Variants in HPSE2 observed in about 807,000 individuals in gnomAD.
The protein encoded by HPSE2 is heparanase 2 (inactive).
A neutral mutation model predicts 60.5 loss-of-function variants in HPSE2; 38 were observed. The ratio of observed to expected loss-of-function variants is 0.63; its 90% confidence interval spans 0.48 to 0.82. The LOEUF (loss-of-function observed/expected upper bound fraction) is 0.82, where lower values mean the gene tolerates loss of function less well. Among genes scored for constraint, HPSE2 ranks in the 40% least tolerant of loss-of-function variants. The pLI is 0.00. For synonymous variants in HPSE2, 295 were observed against 293.2 expected, an observed-to-expected ratio of 1.01 and a Z score of -0.06; for missense variants, 713 against 740.4, an observed-to-expected ratio of 0.96 and a Z score of 0.43.
chr10:98,532,323 C>T (rs680488), intron 9 of HPSE2, among the ~76,000 whole-genome samples: 1 of 152,150 alleles, frequency 6.6e-6, no homozygotes, highest in Non-Finnish European at 1.5e-5. Context: ...GCACAGAAAT[C>T]TTGAAATGCC....
intron 9 of HPSE2, among the ~76,000 whole-genome samples, chr10:98,600,923 ATAT>A (rs1565003067): frequency 7.7e-5 from 3 of 39,056 alleles, no homozygotes. Context: ...ATATATATAT[ATAT>A]ATATATATAT....
intron 3 of HPSE2, among the ~76,000 whole-genome samples, chr10:99,060,956 G>T (rs1958228214): frequency 6.6e-6 from 1 of 152,054 alleles, no homozygotes; most frequent in Non-Finnish European, 1.5e-5. Flanking sequence ...AATGGCAGTT[G>T]TTGGGGGTAA....
chr10:98,585,467 T>G, intron 9 of HPSE2, among the ~76,000 whole-genome samples: 1 of 150,056 alleles, frequency 6.7e-6, no homozygotes. Context: ...GAGATGGGGT[T>G]TCACCATTTG....
At chr10:99,022,938 G>C (rs1294571780) in intron 3 of HPSE2, among the ~76,000 whole-genome samples, 1 of 152,014 alleles carries the variant, frequency 6.6e-6, no homozygotes, top group African/African-American at 2.4e-5. Context: ...CTGGCTACAA[G>C]GTAAAACACC....
At chr10:99,100,294 T>C (rs1458981438) in intron 3 of HPSE2, among the ~76,000 whole-genome samples, 1 of 152,168 alleles carries the variant, frequency 6.6e-6, no homozygotes, top group Non-Finnish European at 1.5e-5. Flanking sequence ...GAGAAGTCCT[T>C]AAATGACCTG....
chr10:99,098,751 T>C (rs531103128), intron 3 of HPSE2, among the ~76,000 whole-genome samples: 2 of 152,310 alleles, frequency 1.3e-5, no homozygotes, highest in South Asian at 2.1e-4. Context: ...ATGATAATTA[T>C]TTTATTGACA....
At chr10:98,700,601 A>T (rs1400808476) in intron 5 of HPSE2, among the ~76,000 whole-genome samples, 2 of 119,700 alleles carry the variant, frequency 1.7e-5, no homozygotes, top group Non-Finnish European at 3.7e-5. Context: ...CTTCATGTCT[A>T]AAACACCAAA....
rs374413066 is a variant in HPSE2 at position 98,764,755 on chromosome 10, G to A, written c.611-20699C>T. ...GCCTGTAATCCTGGCTCCTCTGGAG[G>A]CTGAGGCAGGAGAATCACTTGAACC... On this transcript the variant is annotated intron_variant, in intron 3 of 11. Transcript: ENST00000370552. Among the ~76,000 whole-genome samples, 32 of 152,270 alleles carry A rather than the reference G, an allele frequency of 2.1e-4. No individual in the cohort carries two copies. The East Asian group carries it at 4.3e-3, about 20-fold the overall frequency.
upstream of HPSE2, among the ~76,000 whole-genome samples, chr10:99,237,572 G>A (rs1849891401): frequency 6.6e-6 from 1 of 152,198 alleles, no homozygotes. Flanking sequence ...GACTGCATAA[G>A]ATGAGGATAT....
chr10:99,146,505 A>G (rs1189853460), intron 2 of HPSE2, among the ~76,000 whole-genome samples: 1 of 152,232 alleles, frequency 6.6e-6, no homozygotes, highest in Non-Finnish European at 1.5e-5. Flanking sequence ...CCTATTCTCT[A>G]TGTCTAAAAT....
In HPSE2 at chr10:99,103,056, C is replaced by T. The variant is rs1844078264; in HGVS notation, c.610+41182G>A. ...GAATGGGCAAAAACTGGAAGCATTC[C>T]CTTTGAAAACCGGCATAAGACAGGG... On this transcript the variant is annotated intron_variant, in intron 3 of 11. Coordinates refer to ENST00000370552, the MANE Select transcript of HPSE2 (RefSeq NM_021828.5). Among the ~76,000 whole-genome samples the T allele has an allele frequency of 3.9e-5, 6 of 152,230 alleles. No homozygotes were observed. The South Asian group carries it at 1.2e-3, about 32-fold the overall frequency.
intron 2 of HPSE2, among the ~76,000 whole-genome samples, chr10:99,230,020 G>T (rs1849593933): frequency 6.6e-6 from 1 of 152,186 alleles, no homozygotes; most frequent in Non-Finnish European, 1.5e-5. Context: ...GAGCTTCAAA[G>T]GGCAGAAATA....
At chr10:98,486,263 A>C (rs1350991555) in intron 10 of HPSE2, among the ~76,000 whole-genome samples, 1 of 152,172 alleles carries the variant, frequency 6.6e-6, no homozygotes, top group Non-Finnish European at 1.5e-5. Context: ...TTCTCTGACC[A>C]CAGAAAAATA....
At chr10:98,900,672 C>T (rs80186028) in intron 3 of HPSE2, among the ~76,000 whole-genome samples, 2,478 of 152,094 alleles carry the variant, frequency 0.016, 42 homozygotes, top group African/African-American at 0.046. Flanking sequence ...TGTACATGTT[C>T]GTCAAAGTAG....
rs769306761 is a variant in HPSE2, at chr10:98,932,001, C to T, written c.611-187945G>A. On this transcript the variant is annotated intron_variant, in intron 3 of 11. Coordinates refer to ENST00000370552, the MANE Select transcript of HPSE2 (RefSeq NM_021828.5). ...ATTGCACTGGCCAGAACTTCCAGCA[C>T]TTGGTTGAAAAGGAGTGGTGAGAGA... is the stretch of plus-strand genomic sequence containing the variant. 4.2e-5 allele frequency among the ~76,000 whole-genome samples: 6 copies of T among 143,714 alleles called. 1 individual carries two copies. The highest frequency in any genetic ancestry group is 1.4e-4 in the Admixed American group (2 of 14,448). 94.3% of individuals were successfully genotyped at this position (143,714 alleles called of 152,430 possible). A position where few individuals can be genotyped will look rare whatever the true frequency, so the allele number is the denominator to read the frequency against.
intron 4 of HPSE2, among the ~76,000 whole-genome samples, chr10:98,742,774 TACACACACACACATACATACACAC>T (rs1002189331): frequency 2.9e-5 from 3 of 102,962 alleles, no homozygotes; most frequent in African/African-American, 1.1e-4. Context: ...ATGTTACACA[TACACACACACACATACATACACAC>T]ACACACACAC....
At chr10:99,098,501 C>T (rs1365102430) in intron 3 of HPSE2, among the ~76,000 whole-genome samples, 1 of 152,164 alleles carries the variant, frequency 6.6e-6, no homozygotes, top group Admixed American at 6.5e-5. Context: ...GCTTAAGTCT[C>T]TCTTAGTATT....
At chr10:98,980,159 C>T (rs1956174202) in intron 3 of HPSE2, among the ~76,000 whole-genome samples, 1 of 152,100 alleles carries the variant, frequency 6.6e-6, no homozygotes, top group South Asian at 2.1e-4. Context: ...ACCTAAGTGC[C>T]CTTGGACAAC....
rs376937769 is a variant in HPSE2 at position 98,460,307 on chromosome 10, G to C, written c.1614-568C>G. Among the ~76,000 whole-genome samples, 20 of 152,120 alleles carry C rather than the reference G, an allele frequency of 1.3e-4. No homozygotes were observed. The East Asian group carries it at 1.5e-3, about 12-fold the overall frequency. On this transcript the variant is annotated intron_variant, in intron 11 of 11. Coordinates refer to ENST00000370552, the MANE Select transcript of HPSE2 (RefSeq NM_021828.5). ...ATACGGAAGGGAGACAGAGACATAGGTAACACCTCTACTTTTTCTAATTTA... is the reference window on the plus strand; with the variant it reads ...ATACGGAAGGGAGACAGAGACATAGCTAACACCTCTACTTTTTCTAATTTA...
Sources: gnomAD v4.1 joint callset for allele counts (sites outside exome capture counted in the v4.1 genomes callset) on GRCh38, gnomAD v4.1.1 for gene constraint, MANE v1.5 for transcripts, NCBI Gene and HGNC (gene_info 2026-07-23, HGNC 2026-07-21) for gene names.